CRY1: variants seen among roughly 807,000 people sequenced by gnomAD.
CRY1 encodes cryptochrome-1.
In CRY1, 45 loss-of-function variants were observed where a neutral mutation model predicts 76.0. That is an observed-to-expected ratio of 0.59 (90% confidence interval 0.47 to 0.76). The LOEUF (loss-of-function observed/expected upper bound fraction) is 0.76. Ranked by LOEUF, CRY1 falls within the 30% of genes least tolerant of loss-of-function variation. The pLI, the probability that CRY1 is intolerant of heterozygous loss-of-function variation, is 0.00. For synonymous variants in CRY1, 248 were observed against 244.0 expected, an observed-to-expected ratio of 1.02 and a Z score of -0.15; for missense variants, 587 against 716.4, an observed-to-expected ratio of 0.82 and a Z score of 2.06.
intron 2 of CRY1, among the ~76,000 whole-genome samples, chr12:107,013,779 T>A (rs922585050): frequency 7.9e-5 from 12 of 152,196 alleles, no homozygotes; most frequent in African/African-American, 2.9e-4. Context: ...AAGAACTTCA[T>A]ATTTTTTTAA....
At position 107,093,102 on chromosome 12, in the gene CRY1, T is replaced by G; in HGVS notation, c.-141A>C. On this transcript the variant is annotated 5_prime_UTR_variant, in exon 1 of 13. Transcript: ENST00000008527. The stretch of plus-strand genomic sequence containing the variant: ...CAGAGGGGGAACAGGAAAAAATGAC[T>G]CCGAGGAGGGGACCGGAGAAGGCGG... 4 of 997,524 alleles carry G rather than the reference T, an allele frequency of 4.0e-6. No homozygotes were observed. The highest frequency in any genetic ancestry group is 5.6e-6 in the Non-Finnish European group (4 of 718,452). The allele number at this position is 997,524 out of a possible 1,614,324, so 61.8% of individuals were successfully genotyped here.
chr12:107,015,187 T>A lies in CRY1; in HGVS notation c.267+6897A>T, dbSNP rs569744510. ...CACCACGCCCAGCCTTTAAAGACTT[T>A]ATTTTCTCAATTCTCTAACGGGTTC... On this transcript the variant is annotated intron_variant, in intron 2 of 12. Transcript: ENST00000008527. 1.2e-4 allele frequency among the ~76,000 whole-genome samples: 19 copies of A among 152,302 alleles called. 1 individual carries two copies. The South Asian group carries it at 2.1e-3, about 17-fold the overall frequency.
In CRY1 at chr12:107,020,186, CA is replaced by C. The variant is rs5800723; in HGVS notation, c.267+1897del. Among the ~76,000 whole-genome samples the C allele has an allele frequency of 1.8e-3, 240 of 134,736 alleles. 1 individual carries two copies. The highest frequency in any genetic ancestry group is 1.9e-3 in the Non-Finnish European group (117 of 61,540). 88.4% of individuals were successfully genotyped at this position (134,736 alleles called of 152,430 possible). A position where few individuals can be genotyped will look rare whatever the true frequency, so the allele number is the denominator to read the frequency against. On this transcript the variant is annotated intron_variant, in intron 2 of 12. Coordinates refer to ENST00000008527, the MANE Select transcript of CRY1 (RefSeq NM_004075.5). ...ACATTAAATGTGTCTTTCATACAAG[CA>C]AAAAAAAAAAAAAAGGCTAAGTAAT...
At chr12:107,020,216 T>G (rs1952539867) in intron 2 of CRY1, among the ~76,000 whole-genome samples, 1 of 150,586 alleles carries the variant, frequency 6.6e-6, no homozygotes, top group South Asian at 2.1e-4. Context: ...AAGTAATGCT[T>G]ATTTGATTCC....
chr12:106,994,653 G>A (rs953171429), intron 10 of CRY1, among the ~76,000 whole-genome samples: 1 of 152,126 alleles, frequency 6.6e-6, no homozygotes, highest in Non-Finnish European at 1.5e-5. Flanking sequence ...AATTTAACCT[G>A]CTACTATGAT....
chr12:107,056,636 C>T (rs1952986051), intron 1 of CRY1, among the ~76,000 whole-genome samples: 1 of 151,972 alleles, frequency 6.6e-6, no homozygotes, highest in Non-Finnish European at 1.5e-5. Context: ...TTATGTGTAG[C>T]CTATGACAAT....
chr12:107,020,091 T>C (rs961567418), intron 2 of CRY1, among the ~76,000 whole-genome samples: 2 of 151,700 alleles, frequency 1.3e-5, no homozygotes, highest in Non-Finnish European at 2.9e-5. Flanking sequence ...CTCTCCCAAA[T>C]ACCTAGGTTA....
At chr12:107,026,122 T>A (rs1344422503) in intron 1 of CRY1, among the ~76,000 whole-genome samples, 6 of 29,836 alleles carry the variant, frequency 2.0e-4, no homozygotes, top group African/African-American at 5.4e-4. Flanking sequence ...ATATATATAT[T>A]ATATATAATT....
intron 1 of CRY1, among the ~76,000 whole-genome samples, chr12:107,057,933 A>C (rs913495953): frequency 7.3e-5 from 11 of 151,702 alleles, no homozygotes; most frequent in Non-Finnish European, 1.3e-4. Flanking sequence ...GCATGGTGGC[A>C]TGTGCCTGTG....
chr12:107,036,705 AGCCACAT>A (rs918156344), intron 1 of CRY1, among the ~76,000 whole-genome samples: 4 of 151,850 alleles, frequency 2.6e-5, no homozygotes, highest in Non-Finnish European at 5.9e-5. Flanking sequence ...ACTCTGTTCC[AGCCACAT>A]GTCCTCCTTG....
chr12:106,997,448 T>C lies in CRY1; in HGVS notation c.1492+40A>G, dbSNP rs778236564. 27 of 1,612,988 alleles carry C rather than the reference T, an allele frequency of 1.7e-5. 1 individual carries two copies. In the Admixed American group the frequency reaches 4.2e-4, roughly 25 times the overall value. The stretch of plus-strand genomic sequence containing the variant: ...AAGATAAAATTCAAAGATAAGTACA[T>C]AAACAGCTGCCAAAGAAACAAAGAC... On this transcript the variant is annotated intron_variant, in intron 9 of 12. Coordinates refer to ENST00000008527, the MANE Select transcript of CRY1 (RefSeq NM_004075.5).
At chr12:107,064,806 A>G (rs1289469224) in intron 1 of CRY1, among the ~76,000 whole-genome samples, 3 of 152,360 alleles carry the variant, frequency 2.0e-5, no homozygotes, top group Non-Finnish European at 4.4e-5. Context: ...AACAGTAAAC[A>G]CAACAAATGG....
intron 1 of CRY1, among the ~76,000 whole-genome samples, chr12:107,024,076 G>A (rs2136847663): frequency 6.6e-6 from 1 of 152,278 alleles, no homozygotes; most frequent in Admixed American, 6.5e-5. Context: ...GCAATTTTAA[G>A]TTTTCTTAAA....
intron 1 of CRY1, among the ~76,000 whole-genome samples, chr12:107,073,690 T>C (rs527793880): frequency 1.8e-4 from 27 of 152,130 alleles, no homozygotes; most frequent in African/African-American, 5.3e-4. Flanking sequence ...GATTGCACCA[T>C]TGCACTCCAG....
At position 107,001,918 on chromosome 12, in the gene CRY1, A is replaced by T. The variant is rs1593494855; in HGVS notation, c.441T>A (p.Pro147=). Residue 147 remains proline (P), a synonymous_variant, in exon 4 of 13, where the codon CCT becomes CCA. Coordinates refer to ENST00000008527, the MANE Select transcript of CRY1 (RefSeq NM_004075.5). ...KIIELNGGQP[P]LTYKRFQTLI... is the part of the protein sequence containing the mutation. The stretch of plus-strand genomic sequence containing the variant: ...GAGTCTGGAATCTTTTATAAGTTAG[A>T]GGCGGTTGTCCACCATTGAGTTCTA... 2 of 1,597,982 alleles carry T rather than the reference A, an allele frequency of 1.3e-6. No individual in the cohort carries two copies. The highest frequency in any genetic ancestry group is 4.6e-5 in the East Asian group (2 of 43,842).
At chr12:107,032,682 AC>A (rs1952691219) in intron 1 of CRY1, among the ~76,000 whole-genome samples, 1 of 152,186 alleles carries the variant, frequency 6.6e-6, no homozygotes, top group Admixed American at 6.5e-5. Context: ...GATGGCATGC[AC>A]CTGTAATCTC....
At chr12:107,025,360 T>C (rs1007669728) in intron 1 of CRY1, among the ~76,000 whole-genome samples, 1 of 152,210 alleles carries the variant, frequency 6.6e-6, no homozygotes, top group Non-Finnish European at 1.5e-5. Flanking sequence ...CATAGTTTCA[T>C]AGTACTTCAT....
chr12:107,005,021 C>G, intron 3 of CRY1, 85 bp downstream of exon 3: 1 of 1,314,342 alleles, frequency 7.6e-7, no homozygotes, highest in Non-Finnish European at 1.0e-6. Context: ...GTTAATACCA[C>G]CGAACTATAT....
intron 2 of CRY1, among the ~76,000 whole-genome samples, chr12:107,012,018 TG>T (rs1952450497): frequency 6.6e-6 from 1 of 152,058 alleles, no homozygotes; most frequent in African/African-American, 2.4e-5. Context: ...GGTGAAACCC[TG>T]TCTCTACTAA....
Sources: allele counts gnomAD v4.1 joint callset (sites outside exome capture counted in the v4.1 genomes callset), GRCh38; gene constraint gnomAD v4.1.1; transcripts MANE v1.5; gene names NCBI Gene and HGNC (gene_info 2026-07-23, HGNC 2026-07-21).